The following CNTNAP2 variants were observed in gnomAD, a reference collection of about 807,000 sequenced individuals.
CNTNAP2 encodes the protein contactin associated protein 2.
A neutral mutation model predicts 155.2 loss-of-function variants in CNTNAP2; 98 were observed. The observed-to-expected ratio is 0.63, with a 90% CI of 0.54 to 0.75. The LOEUF (loss-of-function observed/expected upper bound fraction) is 0.75, where lower values mean the gene tolerates loss of function less well. Ranked by LOEUF, CNTNAP2 falls within the 30% of genes least tolerant of loss-of-function variation. The pLI, the probability that CNTNAP2 is intolerant of heterozygous loss-of-function variation, is 0.00. For synonymous variants in CNTNAP2, 651 were observed against 631.2 expected, an observed-to-expected ratio of 1.03 and a Z score of -0.47; for missense variants, 1,727 against 1,688.1, an observed-to-expected ratio of 1.02 and a Z score of -0.40.
intron 18 of CNTNAP2, among the ~76,000 whole-genome samples, chr7:148,188,154 T>C (rs974443101): frequency 6.6e-6 from 1 of 152,208 alleles, no homozygotes; most frequent in Non-Finnish European, 1.5e-5. Context: ...GACCAGCCAC[T>C]CTTCACCCAA....
chr7:146,292,291 G>C (rs2129086802), intron 1 of CNTNAP2, among the ~76,000 whole-genome samples: 1 of 152,188 alleles, frequency 6.6e-6, no homozygotes, highest in Admixed American at 6.5e-5. Context: ...CCCTGTTCCT[G>C]CATTAGTTTG....
chr7:148,395,431 T>C (rs1396404961), intron 22 of CNTNAP2, among the ~76,000 whole-genome samples: 1 of 152,114 alleles, frequency 6.6e-6, no homozygotes, highest in Non-Finnish European at 1.5e-5. Context: ...ACCCTCCAGA[T>C]GTAATTGACA....
intron 1 of CNTNAP2, among the ~76,000 whole-genome samples, chr7:146,692,193 T>C (rs1435815169): frequency 1.3e-5 from 2 of 152,186 alleles, no homozygotes; most frequent in African/African-American, 4.8e-5. Context: ...AAAAATGCTT[T>C]TCTGTTAGAG....
At chr7:148,292,967 T>C (rs1317280318) in intron 21 of CNTNAP2, among the ~76,000 whole-genome samples, 4 of 152,186 alleles carry the variant, frequency 2.6e-5, no homozygotes, top group Non-Finnish European at 4.4e-5. Flanking sequence ...ATTTTTCTTC[T>C]TTATTTGCAT....
At chr7:147,850,683 G>A in intron 13 of CNTNAP2, among the ~76,000 whole-genome samples, 1 of 152,158 alleles carries the variant, frequency 6.6e-6, no homozygotes, top group Admixed American at 6.5e-5. Context: ...AAGATTCCCT[G>A]TTTAATAAAT....
intron 13 of CNTNAP2, among the ~76,000 whole-genome samples, chr7:147,794,716 T>G (rs888171956): frequency 9.9e-5 from 15 of 151,920 alleles, no homozygotes; most frequent in African/African-American, 3.4e-4. Flanking sequence ...CCAGTGAAGC[T>G]TGTACTTTTC....
intron 14 of CNTNAP2, among the ~76,000 whole-genome samples, chr7:147,950,609 C>T (rs958824719): frequency 1.3e-5 from 2 of 152,168 alleles, no homozygotes; most frequent in African/African-American, 2.4e-5. Context: ...ACTGGCACCC[C>T]AGCCTGCAAT....
At chr7:148,189,595 A>G (rs750373200) in intron 18 of CNTNAP2, among the ~76,000 whole-genome samples, 2 of 152,136 alleles carry the variant, frequency 1.3e-5, no homozygotes, top group Non-Finnish European at 2.9e-5. Flanking sequence ...ATGGGATGAT[A>G]CAACAAGAGG....
intron 13 of CNTNAP2, among the ~76,000 whole-genome samples, chr7:147,731,479 T>C (rs1207006469): frequency 1.3e-5 from 2 of 152,072 alleles, no homozygotes. Context: ...AGCCCACTAT[T>C]GAGACATACA....
intron 10 of CNTNAP2, among the ~76,000 whole-genome samples, chr7:147,436,647 C>T (rs1315256821): frequency 6.6e-6 from 1 of 152,162 alleles, no homozygotes; most frequent in Non-Finnish European, 1.5e-5. Flanking sequence ...CTCAACTCCA[C>T]TGAAACAAAG....
At chr7:147,315,630 C>T (rs1056849191) in intron 9 of CNTNAP2, among the ~76,000 whole-genome samples, 21 of 151,810 alleles carry the variant, frequency 1.4e-4, no homozygotes, top group Middle Eastern at 3.4e-3. Context: ...TACAGGAGCC[C>T]GCCACACGCC....
At chr7:146,821,314 T>G (rs1368489381) in intron 2 of CNTNAP2, among the ~76,000 whole-genome samples, 3 of 152,166 alleles carry the variant, frequency 2.0e-5, no homozygotes, top group Non-Finnish European at 4.4e-5. Flanking sequence ...AGTTGTTCCT[T>G]TCTATGCTTA....
intron 1 of CNTNAP2, among the ~76,000 whole-genome samples, chr7:146,655,599 T>C (rs1372535949): frequency 6.6e-6 from 1 of 152,068 alleles, no homozygotes; most frequent in Non-Finnish European, 1.5e-5. Flanking sequence ...CCAATTATCA[T>C]CCATGCTTGT....
intron 8 of CNTNAP2, among the ~76,000 whole-genome samples, chr7:147,275,711 G>A (rs1179233027): frequency 2.6e-5 from 4 of 152,098 alleles, no homozygotes; most frequent in African/African-American, 7.2e-5. Flanking sequence ...TTGGAAAGTC[G>A]TATTGAGGGT....
intron 12 of CNTNAP2, among the ~76,000 whole-genome samples, chr7:147,626,987 T>A (rs1157551953): frequency 6.6e-6 from 1 of 152,114 alleles, no homozygotes; most frequent in Non-Finnish European, 1.5e-5. Context: ...ATGGATCACA[T>A]CATAGGACTC....
chr7:147,227,514 C>T (rs954462735), intron 8 of CNTNAP2, among the ~76,000 whole-genome samples: 5 of 152,058 alleles, frequency 3.3e-5, no homozygotes, highest in Middle Eastern at 3.4e-3. Context: ...ATATCCAGGT[C>T]GTTTTATTGG....
At chr7:147,323,753 C>A (rs1037444248) in intron 9 of CNTNAP2, among the ~76,000 whole-genome samples, 2 of 152,200 alleles carry the variant, frequency 1.3e-5, no homozygotes, top group Non-Finnish European at 2.9e-5. Context: ...TAGCCTGAAG[C>A]TTTTTATAAC....
At position 147,121,082 on chromosome 7, in the gene CNTNAP2, G is replaced by C; in HGVS notation, c.858G>C (p.Arg286=). Residue 286 remains arginine, a synonymous_variant, in exon 6 of 24, where the codon CGG becomes CGC. Transcript: ENST00000361727. ...WHSVVIERQG[R]SINLTLDRSM... is the part of the protein sequence containing the mutation. ...CTGTGGTCATTGAGCGCCAGGGGCG[G>C]AGCATTAACCTCACTCTGGACAGGA... is the stretch of plus-strand genomic sequence containing the variant. 2 of 1,614,114 alleles carry C rather than the reference G, an allele frequency of 1.2e-6. No individual in the cohort carries two copies. Among genetic ancestry groups the C allele is most frequent in the East Asian group, 2.2e-5 (1 of 44,866 alleles).
At chr7:148,204,094 C>T (rs1795409489) in intron 18 of CNTNAP2, among the ~76,000 whole-genome samples, 2 of 152,196 alleles carry the variant, frequency 1.3e-5, no homozygotes, top group African/African-American at 2.4e-5. Context: ...CCTGTATTTG[C>T]GCCCCATTCA....
Sources: allele counts gnomAD v4.1 joint callset (sites outside exome capture counted in the v4.1 genomes callset), GRCh38; gene constraint gnomAD v4.1.1; transcripts MANE v1.5; gene names NCBI Gene and HGNC (gene_info 2026-07-23, HGNC 2026-07-21).